The following STAB2 variants were observed in gnomAD, a reference collection of about 807,000 sequenced individuals.
The protein encoded by STAB2 is stabilin-2.
In STAB2, 288 loss-of-function variants were observed where a neutral mutation model predicts 338.1. That is an observed-to-expected ratio of 0.85 (90% CI 0.77 to 0.94). STAB2 has a LOEUF of 0.94. Among genes scored for constraint, STAB2 ranks in the 40% least tolerant of loss-of-function variants. STAB2 has a pLI of 0.00. For missense variants in STAB2, 3,141 were observed against 3,210.1 expected, an observed-to-expected ratio of 0.98 and a Z score of 0.52; for synonymous variants, 1,202 against 1,193.3, an observed-to-expected ratio of 1.01 and a Z score of -0.15.
intron 31 of STAB2, among the ~76,000 whole-genome samples, chr12:103,694,355 T>C (rs1374682400): frequency 6.6e-6 from 1 of 152,104 alleles, no homozygotes; most frequent in East Asian, 1.9e-4. Flanking sequence ...CCAAATCCCG[T>C]CTAATCACCT....
chr12:103,672,665 GC>G (rs1159054618), intron 22 of STAB2, among the ~76,000 whole-genome samples: 3 of 151,890 alleles, frequency 2.0e-5, no homozygotes, highest in African/African-American at 2.4e-5. Flanking sequence ...CATTTTCCAA[GC>G]CCCCCCAGTC....
chr12:103,755,973 T>C (rs758523629), intron 63 of STAB2, among the ~76,000 whole-genome samples: 3 of 152,340 alleles, frequency 2.0e-5, no homozygotes, highest in East Asian at 3.9e-4. Context: ...AGGGTCATTG[T>C]GATCATTAAA....
chr12:103,679,344 G>A (rs1205751630), intron 25 of STAB2, among the ~76,000 whole-genome samples: 3 of 151,846 alleles, frequency 2.0e-5, no homozygotes, highest in Non-Finnish European at 4.4e-5. Flanking sequence ...TTCCAGCCTG[G>A]GCAACAAGAG....
At chr12:103,663,408 G>C (rs935302682) in intron 18 of STAB2, among the ~76,000 whole-genome samples, 3 of 72,004 alleles carry the variant, frequency 4.2e-5, no homozygotes, top group Non-Finnish European at 6.5e-5. Context: ...GATTCTGGGG[G>C]CTCCAACAAT....
intron 63 of STAB2, among the ~76,000 whole-genome samples, chr12:103,756,996 A>AATATATATATATATATATAT (rs869105400): frequency 3.6e-4 from 20 of 56,330 alleles, no homozygotes; most frequent in East Asian, 2.0e-3. Context: ...AAGGAGGGAA[A>AATATATATATATATATATAT]ATATATATAT....
At chr12:103,656,773 G>A (rs1344352743) in intron 15 of STAB2, among the ~76,000 whole-genome samples, 1 of 144,420 alleles carries the variant, frequency 6.9e-6, no homozygotes, top group African/African-American at 2.6e-5. Context: ...TGCAAGCTCC[G>A]CTTCCCGGGT....
chr12:103,748,624 AC>A (rs1883293494), intron 58 of STAB2, among the ~76,000 whole-genome samples: 1 of 61,842 alleles, frequency 1.6e-5, no homozygotes, highest in African/African-American at 5.5e-5. Flanking sequence ...ACACACACAC[AC>A]ACACACACAC....
At chr12:103,669,026 G>A (rs1875454485) in intron 20 of STAB2, among the ~76,000 whole-genome samples, 1 of 152,092 alleles carries the variant, frequency 6.6e-6, no homozygotes, top group Admixed American at 6.5e-5. Context: ...CTACCTCAGA[G>A]CATGCACACT....
At chr12:103,750,807 C>G in intron 60 of STAB2, 87 bp downstream of exon 60, 1 of 1,461,630 alleles carries the variant, frequency 6.8e-7, no homozygotes, top group South Asian at 1.4e-5. Context: ...AAAAACAAAA[C>G]AGGCCAAGCC....
At chr12:103,695,470 G>C (rs954754156) in intron 31 of STAB2, 80 bp from the exon 32 acceptor site, 4 of 1,296,356 alleles carry the variant, frequency 3.1e-6, no homozygotes, top group Non-Finnish European at 4.4e-6. Flanking sequence ...GAGGTTAATG[G>C]CATTAGACTC....
chr12:103,665,469 A>G (rs1321571483), intron 18 of STAB2, among the ~76,000 whole-genome samples: 1 of 152,164 alleles, frequency 6.6e-6, no homozygotes, highest in African/African-American at 2.4e-5. Context: ...GCTTTGAGGG[A>G]GAAGCAGGAA....
chr12:103,762,020 G>T (rs189795221), intron 66 of STAB2, among the ~76,000 whole-genome samples: 1 of 152,130 alleles, frequency 6.6e-6, no homozygotes, highest in African/African-American at 2.4e-5. Context: ...GTGATATCGG[G>T]CAAGTGCTTC....
intron 61 of STAB2, 122 bp downstream of exon 61, chr12:103,753,475 G>A (rs886810356): frequency 7.5e-7 from 1 of 1,328,962 alleles, no homozygotes; most frequent in Non-Finnish European, 1.0e-6. Flanking sequence ...GGTAGCTCCT[G>A]GAACAATGCT....
intron 18 of STAB2, among the ~76,000 whole-genome samples, chr12:103,663,957 G>T (rs1473753214): frequency 6.6e-6 from 1 of 152,076 alleles, no homozygotes; most frequent in East Asian, 1.9e-4. Flanking sequence ...CTGTAAGAGG[G>T]ACTTAAAATA....
intron 51 of STAB2, among the ~76,000 whole-genome samples, chr12:103,734,247 A>G (rs1005682257): frequency 1.3e-5 from 2 of 148,898 alleles, no homozygotes; most frequent in Non-Finnish European, 3.0e-5. Flanking sequence ...ATAAAGGAGC[A>G]AGCATGATCA....
chr12:103,648,567 C>A, intron 9 of STAB2, 123 bp from the exon 10 acceptor site: 1 of 1,326,724 alleles, frequency 7.5e-7, no homozygotes, highest in Non-Finnish European at 1.0e-6. Flanking sequence ...TAGGAATGCT[C>A]TCTTGTCCCT....
intron 6 of STAB2, among the ~76,000 whole-genome samples, chr12:103,636,664 T>G (rs1957553140): frequency 6.6e-6 from 1 of 152,144 alleles, no homozygotes; most frequent in Non-Finnish European, 1.5e-5. Flanking sequence ...TTTTGTATCT[T>G]CTACCAGCAT....
chr12:103,745,181 T>C lies in STAB2; in HGVS notation c.6040T>C (p.Cys2014Arg). 1 of 1,613,484 alleles carries C rather than the reference T, an allele frequency of 6.2e-7. No individual in the cohort carries two copies. Among genetic ancestry groups the C allele is most frequent in the East Asian group, 2.2e-5 (1 of 44,808 alleles). The part of the protein sequence containing the change: ...RFGPDCLPCG[C>R]SDHGQCDDGI... ...TCCTAATTTGTTTACAGCCTGTGGC[T>C]GCTCAGACCACGGACAGTGCGATGA... Residue 2014 changes from cysteine (C) to arginine (R), a missense_variant, in exon 57 of 69, where the codon TGC becomes CGC. Coordinates refer to ENST00000388887, the MANE Select transcript of STAB2 (RefSeq NM_017564.10).
At chr12:103,662,545 C>T (rs1291230516) in intron 17 of STAB2, among the ~76,000 whole-genome samples, 1 of 152,176 alleles carries the variant, frequency 6.6e-6, no homozygotes, top group Non-Finnish European at 1.5e-5. Context: ...AGAATTTGCG[C>T]AAGGTCTCAC....
Sources: gnomAD v4.1 joint callset for allele counts (sites outside exome capture counted in the v4.1 genomes callset) on GRCh38, gnomAD v4.1.1 for gene constraint, MANE v1.5 for transcripts, NCBI Gene and HGNC (gene_info 2026-07-23, HGNC 2026-07-21) for gene names.